The following ZFAND3 variants were observed in gnomAD, a reference collection of about 807,000 sequenced individuals.
The protein encoded by ZFAND3 is zinc finger AN1-type containing 3, also known as AN1-type zinc finger protein 3.
Under a neutral mutation model 29.6 loss-of-function variants are expected in ZFAND3, and 10 were observed. The observed-to-expected ratio is 0.34, with a 90% CI of 0.21 to 0.57. The LOEUF (loss-of-function observed/expected upper bound fraction) is 0.57, where lower values mean the gene tolerates loss of function less well. Ranked by LOEUF, ZFAND3 falls within the 20% of genes least tolerant of loss-of-function variation. The probability of loss-of-function intolerance (pLI) is 0.86; values close to 1 mark genes in which losing one functional copy is unlikely to be tolerated. For synonymous variants in ZFAND3, 128 were observed against 112.6 expected (o/e 1.14, Z -0.87); for missense variants, 230 against 304.5 (o/e 0.76, Z 1.82).
intron 2 of ZFAND3, among the ~76,000 whole-genome samples, chr6:38,058,449 A>C (rs551192415): frequency 3.5e-4 from 53 of 152,360 alleles, no homozygotes; most frequent in African/African-American, 1.2e-3. Context: ...GTGCTATACA[A>C]ATAACACTGA....
chr6:37,952,038 T>C (rs895518787), intron 2 of ZFAND3, among the ~76,000 whole-genome samples: 8 of 152,222 alleles, frequency 5.3e-5, no homozygotes, highest in African/African-American at 1.9e-4. Context: ...CAACCTTGCA[T>C]CCCAGGAATA....
At chr6:37,831,920 T>A (rs1422594620) in intron 1 of ZFAND3, among the ~76,000 whole-genome samples, 1 of 152,170 alleles carries the variant, frequency 6.6e-6, no homozygotes, top group Non-Finnish European at 1.5e-5. Flanking sequence ...CATTTAAAGA[T>A]TTTAAGCATG....
At chr6:38,079,968 T>A (rs1170507166) in intron 3 of ZFAND3, among the ~76,000 whole-genome samples, 3 of 151,750 alleles carry the variant, frequency 2.0e-5, no homozygotes, top group African/African-American at 4.8e-5. Context: ...TGTGTTAAAA[T>A]CCCTCAGGAT....
At chr6:37,956,939 T>C (rs574713122) in intron 2 of ZFAND3, among the ~76,000 whole-genome samples, 3 of 152,182 alleles carry the variant, frequency 2.0e-5, no homozygotes, top group African/African-American at 2.4e-5. Flanking sequence ...GACTGATAAT[T>C]GTCCAGTTTC....
chr6:38,147,662 C>T, intron 5 of ZFAND3, among the ~76,000 whole-genome samples: 1 of 152,148 alleles, frequency 6.6e-6, no homozygotes, highest in Non-Finnish European at 1.5e-5. Context: ...GTCTTTTTAA[C>T]AATAGCCATA....
chr6:37,922,475 C>G (rs1761401615), intron 1 of ZFAND3, among the ~76,000 whole-genome samples: 1 of 152,126 alleles, frequency 6.6e-6, no homozygotes, highest in Non-Finnish European at 1.5e-5. Context: ...TTTCATTATG[C>G]ATTTCTTTAT....
At chr6:37,974,444 G>A (rs1581804575) in intron 2 of ZFAND3, among the ~76,000 whole-genome samples, 1 of 109,194 alleles carries the variant, frequency 9.2e-6, no homozygotes, top group South Asian at 2.9e-4. Flanking sequence ...TAGCTGTGTT[G>A]TTCAGGCTGG....
intron 2 of ZFAND3, among the ~76,000 whole-genome samples, chr6:37,999,734 A>G (rs1032955995): frequency 1.3e-5 from 2 of 152,240 alleles, no homozygotes; most frequent in Non-Finnish European, 2.9e-5. Context: ...AGAGGAACAT[A>G]AAGAGACATG....
At chr6:37,880,598 C>T (rs1289640475) in intron 1 of ZFAND3, among the ~76,000 whole-genome samples, 2 of 152,098 alleles carry the variant, frequency 1.3e-5, no homozygotes, top group African/African-American at 4.8e-5. Flanking sequence ...TTTGAGAAAA[C>T]AGTGCCTATT....
At chr6:38,053,473 T>C (rs942001408) in intron 2 of ZFAND3, among the ~76,000 whole-genome samples, 20 of 152,052 alleles carry the variant, frequency 1.3e-4, no homozygotes, top group Non-Finnish European at 2.8e-4. Flanking sequence ...TGCTTGAGGC[T>C]GGAAGTTCGA....
At chr6:37,899,914 A>G (rs1183135564) in intron 1 of ZFAND3, among the ~76,000 whole-genome samples, 1 of 152,196 alleles carries the variant, frequency 6.6e-6, no homozygotes, top group Non-Finnish European at 1.5e-5. Context: ...ACATTTAAAC[A>G]GTATATGTTT....
chr6:38,096,716 C>G (rs1764987961), intron 4 of ZFAND3, among the ~76,000 whole-genome samples: 1 of 152,024 alleles, frequency 6.6e-6, no homozygotes, highest in Admixed American at 6.6e-5. Context: ...TAATCTTTCT[C>G]TAATTCTTTT....
chr6:38,130,314 G>A (rs1310070222), intron 5 of ZFAND3, among the ~76,000 whole-genome samples: 4 of 152,156 alleles, frequency 2.6e-5, no homozygotes, highest in Non-Finnish European at 5.9e-5. Flanking sequence ...TCTTTCTCTT[G>A]TCTGATTGCT....
At chr6:37,921,561 G>A (rs748576408) in intron 1 of ZFAND3, among the ~76,000 whole-genome samples, 2 of 151,872 alleles carry the variant, frequency 1.3e-5, no homozygotes, top group Non-Finnish European at 2.9e-5. Context: ...TCTTGTGTAT[G>A]TGTCAGGAAA....
chr6:37,865,126 C>T (rs1268510378), intron 1 of ZFAND3, among the ~76,000 whole-genome samples: 4 of 151,984 alleles, frequency 2.6e-5, no homozygotes, highest in Non-Finnish European at 5.9e-5. Flanking sequence ...TTCAGTGCGC[C>T]GATAGCGTGC....
At chr6:37,939,790 C>G (rs1001586917) in intron 2 of ZFAND3, among the ~76,000 whole-genome samples, 1 of 152,166 alleles carries the variant, frequency 6.6e-6, no homozygotes, top group East Asian at 1.9e-4. Flanking sequence ...ACCTGTAATC[C>G]CAACACTTCG....
intron 2 of ZFAND3, 44 bp downstream of exon 2, chr6:37,930,043 TTC>T: frequency 1.3e-6 from 2 of 1,536,874 alleles, no homozygotes; most frequent in East Asian, 2.3e-5. Flanking sequence ...TCATTTTTCT[TTC>T]TTTTTTTTTT....
intron 1 of ZFAND3, among the ~76,000 whole-genome samples, chr6:37,927,171 A>G (rs1246503796): frequency 6.6e-6 from 1 of 152,220 alleles, no homozygotes; most frequent in African/African-American, 2.4e-5. Flanking sequence ...TTAAATACAT[A>G]AATTATCTGA....
At chr6:37,879,039 C>G (rs1353876655) in intron 1 of ZFAND3, among the ~76,000 whole-genome samples, 1 of 152,200 alleles carries the variant, frequency 6.6e-6, no homozygotes, top group Non-Finnish European at 1.5e-5. Flanking sequence ...TCAGGAATCT[C>G]AGAGGAAGAG....
Sources: allele counts gnomAD v4.1 joint callset (sites outside exome capture counted in the v4.1 genomes callset), GRCh38; gene constraint gnomAD v4.1.1; transcripts MANE v1.5; gene names NCBI Gene and HGNC (gene_info 2026-07-23, HGNC 2026-07-21).